SGMS1: variants seen among roughly 807,000 people sequenced by gnomAD.
SGMS1 encodes the protein sphingomyelin synthase 1, also known as phosphatidylcholine:ceramide cholinephosphotransferase 1.
A neutral mutation model predicts 46.2 loss-of-function variants in SGMS1; 13 were observed. The ratio of observed to expected loss-of-function variants is 0.28; its 90% CI spans 0.18 to 0.45. The LOEUF is 0.45. SGMS1 is among the 20% of genes least tolerant of loss of function. The probability of loss-of-function intolerance (pLI) is 1.00; values close to 1 mark genes in which losing one functional copy is unlikely to be tolerated. For synonymous variants in SGMS1, 203 were observed against 187.8 expected (o/e 1.08, Z -0.66); for missense variants, 324 against 519.9 (o/e 0.62, Z 3.66).
At chr10:50,476,097 CAAAA>C (rs58641986) in intron 3 of SGMS1, among the ~76,000 whole-genome samples, 3 of 43,298 alleles carry the variant, frequency 6.9e-5, no homozygotes, top group East Asian at 7.9e-4. Context: ...ACTAAAAATA[CAAAA>C]AAAAAAAAAA....
At chr10:50,547,826 T>A (rs1838114664) in intron 2 of SGMS1, among the ~76,000 whole-genome samples, 1 of 152,050 alleles carries the variant, frequency 6.6e-6, no homozygotes, top group African/African-American at 2.4e-5. Flanking sequence ...CAGCAACACA[T>A]CAAAAAGCTT....
chr10:50,404,982 C>A (rs1848993426), intron 6 of SGMS1, among the ~76,000 whole-genome samples: 1 of 152,040 alleles, frequency 6.6e-6, no homozygotes, highest in Non-Finnish European at 1.5e-5. Context: ...ATATTAATCC[C>A]TTTATTAAAA....
intron 8 of SGMS1, among the ~76,000 whole-genome samples, chr10:50,317,670 T>G (rs189613688): frequency 6.6e-6 from 1 of 152,358 alleles, no homozygotes; most frequent in Admixed American, 6.5e-5. Flanking sequence ...TTTAACCAAT[T>G]TTAAATATGT....
intron 1 of SGMS1, among the ~76,000 whole-genome samples, chr10:50,599,827 C>A (rs994103356): frequency 6.6e-6 from 1 of 152,140 alleles, no homozygotes; most frequent in Non-Finnish European, 1.5e-5. Flanking sequence ...TGCACCACTG[C>A]ACCCCAGCCT....
intron 3 of SGMS1, among the ~76,000 whole-genome samples, chr10:50,471,161 GT>G (rs1252279028): frequency 6.6e-6 from 1 of 152,206 alleles, no homozygotes; most frequent in East Asian, 1.9e-4. Flanking sequence ...AACTAAACCA[GT>G]TTTAAGCATG....
At chr10:50,599,745 C>G (rs1382961400) in intron 1 of SGMS1, among the ~76,000 whole-genome samples, 1 of 152,060 alleles carries the variant, frequency 6.6e-6, no homozygotes, top group Non-Finnish European at 1.5e-5. Context: ...TGCCTAAAAT[C>G]CCAGCTACTC....
intron 2 of SGMS1, among the ~76,000 whole-genome samples, chr10:50,538,765 G>A (rs1279897667): frequency 1.3e-5 from 2 of 152,306 alleles, no homozygotes; most frequent in African/African-American, 2.4e-5. Context: ...ATCTGGAGGT[G>A]GAACTGTGAG....
At chr10:50,338,947 A>T (rs914401908) in intron 7 of SGMS1, among the ~76,000 whole-genome samples, 4 of 152,014 alleles carry the variant, frequency 2.6e-5, no homozygotes, top group Non-Finnish European at 5.9e-5. Context: ...CCAAGTTGTG[A>T]GGCTGGTCTC....
At chr10:50,388,963 T>C (rs1848725745) in intron 6 of SGMS1, among the ~76,000 whole-genome samples, 1 of 152,144 alleles carries the variant, frequency 6.6e-6, no homozygotes, top group Non-Finnish European at 1.5e-5. Flanking sequence ...TCATACTGTA[T>C]ATGGGATTCT....
intron 6 of SGMS1, among the ~76,000 whole-genome samples, chr10:50,424,679 T>C (rs184853268): frequency 1.8e-4 from 27 of 152,210 alleles, no homozygotes; most frequent in African/African-American, 6.5e-4. Context: ...TCAGAATCTA[T>C]AGGGAACTTA....
chr10:50,445,822 G>T (rs1053853188), intron 5 of SGMS1, among the ~76,000 whole-genome samples: 1 of 152,158 alleles, frequency 6.6e-6, no homozygotes, highest in Non-Finnish European at 1.5e-5. Flanking sequence ...TGGGCTGGGT[G>T]GAACAGAGCC....
chr10:50,474,087 C>A (rs960101226), intron 3 of SGMS1: 7 of 152,214 alleles, frequency 4.6e-5, no homozygotes, highest in Admixed American at 2.6e-4. Flanking sequence ...TGGACTGAAG[C>A]CAGTTCCCAA....
chr10:50,597,692 G>A (rs1047261251), intron 1 of SGMS1, among the ~76,000 whole-genome samples: 2 of 152,250 alleles, frequency 1.3e-5, no homozygotes, highest in East Asian at 1.9e-4. Flanking sequence ...TGTAGTGGTG[G>A]TTGCGTGAAT....
upstream of SGMS1, chr10:50,624,534 G>A: frequency 2.1e-6 from 2 of 951,934 alleles, no homozygotes; most frequent in Non-Finnish European, 2.5e-6. Context: ...GCGCGACGGA[G>A]GCGCAAGAGC....
At chr10:50,601,337 C>T (rs1259964204) in intron 1 of SGMS1, among the ~76,000 whole-genome samples, 1 of 152,196 alleles carries the variant, frequency 6.6e-6, no homozygotes, top group Non-Finnish European at 1.5e-5. Flanking sequence ...TCACATTTTA[C>T]TTGTATCACT....
chr10:50,539,032 G>C (rs1335507270), intron 2 of SGMS1, among the ~76,000 whole-genome samples: 1 of 152,220 alleles, frequency 6.6e-6, no homozygotes, highest in African/African-American at 2.4e-5. Flanking sequence ...TAAAACACAG[G>C]TATTGTTCCT....
chr10:50,603,704 CT>C (rs1838669306), intron 1 of SGMS1, among the ~76,000 whole-genome samples: 1 of 152,192 alleles, frequency 6.6e-6, no homozygotes, highest in Non-Finnish European at 1.5e-5. Flanking sequence ...ATTGAACAGC[CT>C]TAACCTCTGA....
chr10:50,623,651 T>C (rs534049671), intron 1 of SGMS1, 56 bp downstream of exon 1: 1 of 985,008 alleles, frequency 1.0e-6, no homozygotes, highest in Non-Finnish European at 1.2e-6. Context: ...GAGACAGGTG[T>C]CCGATCGGCC....
At chr10:50,479,074 T>A (rs1369788829) in intron 3 of SGMS1, among the ~76,000 whole-genome samples, 1 of 151,350 alleles carries the variant, frequency 6.6e-6, no homozygotes, top group Non-Finnish European at 1.5e-5. Flanking sequence ...GGTTCTTTGC[T>A]CCAGAATTTC....
Sources: gnomAD v4.1 joint callset for allele counts (sites outside exome capture counted in the v4.1 genomes callset) on GRCh38, gnomAD v4.1.1 for gene constraint, MANE v1.5 for transcripts, NCBI Gene and HGNC (gene_info 2026-07-23, HGNC 2026-07-21) for gene names.